MYRFL: variants seen among roughly 807,000 people sequenced by gnomAD.
MYRFL encodes myelin regulatory factor like.
MYRFL carries 88 observed loss-of-function variants against 109.4 expected under a neutral mutation model. That is an observed-to-expected ratio of 0.80 (90% CI 0.68 to 0.96). The LOEUF (loss-of-function observed/expected upper bound fraction) is 0.96. Ranked by LOEUF, MYRFL falls within the 40% of genes least tolerant of loss-of-function variation. MYRFL has a pLI of 0.00. For missense variants in MYRFL, 957 were observed against 954.9 expected (o/e 1.00, Z -0.03); for synonymous variants, 324 against 320.9 (o/e 1.01, Z -0.10).
chr12:69,849,323 A>G (rs535497460), intron 1 of MYRFL, among the ~76,000 whole-genome samples: 22 of 152,380 alleles, frequency 1.4e-4, no homozygotes, highest in African/African-American at 5.3e-4. Flanking sequence ...CCTTTGATAT[A>G]TGAATTCTAG....
intron 2 of MYRFL, among the ~76,000 whole-genome samples, chr12:69,868,935 C>T (rs897506936): frequency 1.3e-5 from 2 of 151,702 alleles, no homozygotes; most frequent in Non-Finnish European, 2.9e-5. Context: ...CACACGTACA[C>T]ACAGATATGC....
At chr12:69,891,702 TTTC>T (rs996663337) in intron 7 of MYRFL, among the ~76,000 whole-genome samples, 1 of 133,990 alleles carries the variant, frequency 7.5e-6, no homozygotes, top group Non-Finnish European at 1.6e-5. Flanking sequence ...TCGTTCTTTC[TTTC>T]TTTTTTTCTT....
At chr12:69,954,761 A>G (rs550763187) in intron 21 of MYRFL, among the ~76,000 whole-genome samples, 39 of 152,324 alleles carry the variant, frequency 2.6e-4, no homozygotes, top group African/African-American at 8.7e-4. Flanking sequence ...TTTCGTTACA[A>G]TACGAATCAA....
intron 5 of MYRFL, among the ~76,000 whole-genome samples, chr12:69,882,307 AAAAG>A (rs992615589): frequency 2.0e-5 from 3 of 146,756 alleles, no homozygotes; most frequent in African/African-American, 5.3e-5. Context: ...AAAAAAAGAA[AAAAG>A]AAAGAAAGAA....
chr12:69,871,318 C>T (rs1039576001), intron 2 of MYRFL, among the ~76,000 whole-genome samples: 10 of 151,160 alleles, frequency 6.6e-5, no homozygotes, highest in South Asian at 2.1e-4. Context: ...CTGCAAGCTC[C>T]GCCTCCCGGG....
chr12:69,853,325 G>C (rs550827370), intron 1 of MYRFL, among the ~76,000 whole-genome samples: 5 of 151,726 alleles, frequency 3.3e-5, no homozygotes, highest in Non-Finnish European at 5.9e-5. Context: ...GGACGGGGTG[G>C]CTGCTGGGCG....
intron 1 of MYRFL, among the ~76,000 whole-genome samples, chr12:69,847,107 CT>C (rs1189661426): frequency 2.2e-4 from 33 of 152,120 alleles, no homozygotes; most frequent in Non-Finnish European, 2.1e-4. Flanking sequence ...AGCTACAGTT[CT>C]TTGGTAATTG....
chr12:69,846,088 A>G (rs956329226), intron 1 of MYRFL, among the ~76,000 whole-genome samples: 2 of 122,716 alleles, frequency 1.6e-5, no homozygotes, highest in African/African-American at 6.2e-5. Context: ...TGGCTTTTAG[A>G]TATTGGCTAT....
At chr12:69,955,674 G>A (rs183775023) in intron 22 of MYRFL, among the ~76,000 whole-genome samples, 7 of 152,252 alleles carry the variant, frequency 4.6e-5, no homozygotes, top group African/African-American at 1.7e-4. Context: ...TGCCTACAAA[G>A]TGGGAGTGAT....
At chr12:69,904,084 C>T (rs1229630823) in intron 11 of MYRFL, 4 of 416,756 alleles carry the variant, frequency 9.6e-6, no homozygotes, top group Non-Finnish European at 1.7e-5. Flanking sequence ...GACAGCATGT[C>T]ATTGGCCTCA....
At chr12:69,873,487 A>G (rs1473157615) in intron 2 of MYRFL, among the ~76,000 whole-genome samples, 1 of 152,250 alleles carries the variant, frequency 6.6e-6, no homozygotes, top group East Asian at 1.9e-4. Flanking sequence ...CAAATTGCCA[A>G]CTTTACATGT....
At chr12:69,901,123 G>A (rs898393651) in intron 10 of MYRFL, among the ~76,000 whole-genome samples, 1 of 152,186 alleles carries the variant, frequency 6.6e-6, no homozygotes, top group African/African-American at 2.4e-5. Flanking sequence ...GCTAGTTTGT[G>A]TTATAACATA....
chr12:69,901,655 A>G (rs1422132761), intron 10 of MYRFL, among the ~76,000 whole-genome samples: 1 of 152,190 alleles, frequency 6.6e-6, no homozygotes, highest in African/African-American at 2.4e-5. Flanking sequence ...AAAATAGAGA[A>G]AAATACATCA....
At chr12:69,897,113 C>T (rs1471782888) in intron 9 of MYRFL, 43 bp from the exon 10 acceptor site, 3 of 1,306,818 alleles carry the variant, frequency 2.3e-6, no homozygotes, top group African/African-American at 2.9e-5. Context: ...AATTGTGTCT[C>T]CATTCCTGAT....
Position 69,870,099 on chromosome 12 carries a change from C to CTTTTTTTTTTTTT in MYRFL, c.138-8914_138-8902dup, listed in dbSNP as rs754843682. ...GCTAAGAATCTCTTGATTTTTCTTC[C>CTTTTTTTTTTTTT]TTTTTTTTTTTTTTTTTTTTTTTTT... On this transcript the variant is annotated intron_variant, in intron 2 of 24. Transcript: ENST00000552032. Among the ~76,000 whole-genome samples, 25 of 81,328 alleles carry CTTTTTTTTTTTTT rather than the reference C, an allele frequency of 3.1e-4. 2 individuals are homozygous for CTTTTTTTTTTTTT. Among genetic ancestry groups the CTTTTTTTTTTTTT allele is most frequent in the African/African-American group, 1.3e-3 (25 of 19,386 alleles). The allele number at this position is 81,328 out of a possible 152,430, so 53.4% of individuals were successfully genotyped here. A position where few individuals can be genotyped will look rare whatever the true frequency, so the allele number is the denominator to read the frequency against.
At chr12:69,879,173 T>A (rs1885892792) in intron 3 of MYRFL, 22 bp from the exon 4 acceptor site, 2 of 702,836 alleles carry the variant, frequency 2.8e-6, no homozygotes, top group Non-Finnish European at 5.2e-6. Flanking sequence ...AAGGGGCACT[T>A]CCTGCTTGTG....
chr12:69,878,553 G>A (rs1885839798), intron 2 of MYRFL, among the ~76,000 whole-genome samples: 1 of 152,130 alleles, frequency 6.6e-6, no homozygotes, highest in Non-Finnish European at 1.5e-5. Flanking sequence ...ATACATCCAT[G>A]TAATTTGTAA....
At chr12:69,827,148 A>C (rs1565955516) in intron 1 of MYRFL, among the ~76,000 whole-genome samples, 1 of 152,040 alleles carries the variant, frequency 6.6e-6, no homozygotes, top group Non-Finnish European at 1.5e-5. Context: ...CATATATAAA[A>C]AATTCAGGGT....
At chr12:69,844,290 G>C (rs1405144628) in intron 1 of MYRFL, among the ~76,000 whole-genome samples, 1 of 152,120 alleles carries the variant, frequency 6.6e-6, no homozygotes, top group Non-Finnish European at 1.5e-5. Flanking sequence ...ATTTCTACCT[G>C]GGGGAGCAGG....
Sources: gnomAD v4.1 joint callset for allele counts (sites outside exome capture counted in the v4.1 genomes callset) on GRCh38, gnomAD v4.1.1 for gene constraint, MANE v1.5 for transcripts, NCBI Gene and HGNC (gene_info 2026-07-23, HGNC 2026-07-21) for gene names.